Variants in SSH2 observed in about 807,000 individuals in gnomAD.
SSH2 encodes slingshot protein phosphatase 2.
In SSH2, 37 loss-of-function variants were observed where a neutral mutation model predicts 135.2. That is an observed-to-expected ratio of 0.27 (90% CI 0.21 to 0.36). SSH2 has a LOEUF of 0.36. Ranked by LOEUF, SSH2 falls within the 10% of genes least tolerant of loss-of-function variation. The pLI is 1.00. For missense variants in SSH2, 1,408 were observed against 1,765.3 expected (o/e 0.80, Z 3.63); for synonymous variants, 628 against 646.2 (o/e 0.97, Z 0.43).
rs1169188823 is a variant in SSH2 at position 29,720,990 on chromosome 17, AAATTT to A, written c.189-17933_189-17929del. Among the ~76,000 whole-genome samples the A allele has an allele frequency of 2.6e-5, 4 of 152,336 alleles. No homozygotes were observed. In the East Asian group the frequency reaches 7.7e-4, roughly 29 times the overall value. The stretch of plus-strand genomic sequence containing the variant: ...AAAATTCACTCTACTGGTTTCTTGC[AAATTT>A]AATTTATTAAGCTTTCTTGATGTCC... On this transcript the variant is annotated intron_variant, in intron 3 of 15. Transcript: ENST00000540801.
At chr17:29,695,225 C>T (rs79453816) in intron 5 of SSH2, among the ~76,000 whole-genome samples, 4,065 of 152,172 alleles carry the variant, frequency 0.027, 168 homozygotes, top group African/African-American at 0.094. Context: ...AGGTCAAATC[C>T]CCAAGGTTTT....
At chr17:29,675,513 G>A (rs1219723377) in intron 8 of SSH2, among the ~76,000 whole-genome samples, 1 of 152,060 alleles carries the variant, frequency 6.6e-6, no homozygotes, top group Non-Finnish European at 1.5e-5. Flanking sequence ...AGAATAAGAG[G>A]CCAGGTGCAG....
intron 2 of SSH2, among the ~76,000 whole-genome samples, chr17:29,814,725 T>C (rs934228202): frequency 6.6e-6 from 1 of 151,974 alleles, no homozygotes; most frequent in Non-Finnish European, 1.5e-5. Flanking sequence ...CATTAGCTTA[T>C]ATTGCCTAAG....
chr17:29,831,943 A>G (rs571890363), intron 2 of SSH2, among the ~76,000 whole-genome samples: 1 of 152,252 alleles, frequency 6.6e-6, no homozygotes, highest in South Asian at 2.1e-4. Context: ...ATTTATATAT[A>G]GTTTTTATGT....
At chr17:29,826,106 G>A (rs1279835322) in intron 2 of SSH2, among the ~76,000 whole-genome samples, 7 of 151,914 alleles carry the variant, frequency 4.6e-5, no homozygotes, top group Non-Finnish European at 1.0e-4. Flanking sequence ...TTAGTCAGAG[G>A]GGCTGCAAAA....
intron 3 of SSH2, among the ~76,000 whole-genome samples, chr17:29,762,351 G>A (rs2041344125): frequency 1.3e-5 from 2 of 152,172 alleles, no homozygotes; most frequent in African/African-American, 2.4e-5. Context: ...CTTGTGGTGG[G>A]TTTAAAAATC....
chr17:29,649,973 A>G (rs1004915539), intron 13 of SSH2, among the ~76,000 whole-genome samples: 5 of 152,222 alleles, frequency 3.3e-5, no homozygotes, highest in South Asian at 2.1e-4. Context: ...CTCATCTGCC[A>G]GGGATGGTTT....
At chr17:29,708,329 T>C (rs1283858643) in intron 3 of SSH2, among the ~76,000 whole-genome samples, 1 of 152,156 alleles carries the variant, frequency 6.6e-6, no homozygotes, top group African/African-American at 2.4e-5. Context: ...GGCTCACACC[T>C]GTAATCCCAA....
intron 3 of SSH2, among the ~76,000 whole-genome samples, chr17:29,782,270 C>G (rs1199136254): frequency 1.3e-5 from 2 of 152,180 alleles, no homozygotes; most frequent in Non-Finnish European, 2.9e-5. Flanking sequence ...AGTATTATTT[C>G]TAGTACAGTA....
chr17:29,783,320 A>ATT (rs2041883955), intron 3 of SSH2, among the ~76,000 whole-genome samples: 1 of 142,052 alleles, frequency 7.0e-6, no homozygotes, highest in South Asian at 2.2e-4. Context: ...AACATATATT[A>ATT]TATATATATA....
At chr17:29,804,695 A>G (rs2042308420) in intron 2 of SSH2, among the ~76,000 whole-genome samples, 1 of 152,144 alleles carries the variant, frequency 6.6e-6, no homozygotes, top group Non-Finnish European at 1.5e-5. Context: ...TTTTTGAGCC[A>G]GGGTCATGCT....
chr17:29,719,868 T>C (rs888829741), intron 3 of SSH2, among the ~76,000 whole-genome samples: 3 of 152,208 alleles, frequency 2.0e-5, no homozygotes, highest in Admixed American at 1.3e-4. Flanking sequence ...GTGATTCTCC[T>C]GCCTCAGCCT....
At chr17:29,777,911 G>A (rs2041744964) in intron 3 of SSH2, among the ~76,000 whole-genome samples, 1 of 151,470 alleles carries the variant, frequency 6.6e-6, no homozygotes, top group African/African-American at 2.4e-5. Context: ...GATGGGAACA[G>A]TATCCTCTCA....
At chr17:29,926,062 A>C (rs1355758789) in intron 1 of SSH2, among the ~76,000 whole-genome samples, 2 of 152,068 alleles carry the variant, frequency 1.3e-5, no homozygotes, top group African/African-American at 2.4e-5. Context: ...TGCAAATCTA[A>C]TCAGTTCCCA....
intron 2 of SSH2, among the ~76,000 whole-genome samples, chr17:29,811,131 G>A (rs929700000): frequency 2.0e-5 from 3 of 151,982 alleles, no homozygotes; most frequent in South Asian, 2.1e-4. Flanking sequence ...GAGTAGCTGC[G>A]ACTACAGGTG....
intron 2 of SSH2, among the ~76,000 whole-genome samples, chr17:29,812,675 G>A (rs1268591819): frequency 1.3e-5 from 2 of 152,112 alleles, no homozygotes; most frequent in Non-Finnish European, 2.9e-5. Context: ...TGGATCACGA[G>A]GTCAGGAGAT....
chr17:29,903,901 A>G (rs1301250705), intron 1 of SSH2, among the ~76,000 whole-genome samples: 1 of 152,216 alleles, frequency 6.6e-6, no homozygotes, highest in Non-Finnish European at 1.5e-5. Context: ...ATGTTGCATC[A>G]TTTGCATAAA....
chr17:29,659,698 T>C (rs1194916461), intron 11 of SSH2, among the ~76,000 whole-genome samples: 1 of 151,956 alleles, frequency 6.6e-6, no homozygotes, highest in African/African-American at 2.4e-5. Context: ...TAATTTTGTT[T>C]TTTGTATTTT....
At chr17:29,819,338 G>A (rs1387208116) in intron 2 of SSH2, among the ~76,000 whole-genome samples, 1 of 152,098 alleles carries the variant, frequency 6.6e-6, no homozygotes, top group Non-Finnish European at 1.5e-5. Flanking sequence ...TTCCTAAGAA[G>A]CATAACTTTC....
Sources: gnomAD v4.1 joint callset for allele counts (sites outside exome capture counted in the v4.1 genomes callset) on GRCh38, gnomAD v4.1.1 for gene constraint, MANE v1.5 for transcripts, NCBI Gene and HGNC (gene_info 2026-07-23, HGNC 2026-07-21) for gene names.